Variants in COL6A2 observed in about 807,000 individuals in gnomAD.
The protein encoded by COL6A2 is collagen type VI alpha 2 chain.
COL6A2 carries 90 observed loss-of-function variants against 124.9 expected under a neutral mutation model. That is an observed-to-expected ratio of 0.72 (90% CI 0.61 to 0.86). The LOEUF (loss-of-function observed/expected upper bound fraction) is 0.86, where lower values mean the gene tolerates loss of function less well. Ranked by LOEUF, COL6A2 falls within the 40% of genes least tolerant of loss-of-function variation. The pLI is 0.00. For missense variants in COL6A2, 1,607 were observed against 1,502.5 expected (o/e 1.07, Z -1.15); for synonymous variants, 793 against 618.2 (o/e 1.28, Z -4.19).
At chr21:46,128,707 A>G (rs2078712764) in intron 27 of COL6A2, among the ~76,000 whole-genome samples, 1 of 152,234 alleles carries the variant, frequency 6.6e-6, no homozygotes, top group Non-Finnish European at 1.5e-5. Flanking sequence ...AAGAAAAGGC[A>G]GAGACGTTGC....
intron 27 of COL6A2, chr21:46,129,693 T>TTTAATGATACGG: frequency 7.1e-7 from 1 of 1,415,476 alleles, no homozygotes. Flanking sequence ...GGCTGCATCT[T>TTTAATGATACGG]CCAGTCTCTC....
chr21:46,128,085 C>A (rs1385589283), intron 27 of COL6A2, among the ~76,000 whole-genome samples: 1 of 152,182 alleles, frequency 6.6e-6, no homozygotes, highest in Non-Finnish European at 1.5e-5. Flanking sequence ...TGACGTGGGC[C>A]TCGTAGGGTC....
chr21:46,132,747 G>A lies in COL6A2; in HGVS notation c.*195G>A, dbSNP rs1474522321. The A allele has an allele frequency of 3.3e-6, 2 of 614,876 alleles. No homozygotes were observed. The highest frequency in any genetic ancestry group is 5.6e-5 in the East Asian group (2 of 35,808). 38.1% of individuals were successfully genotyped at this position (614,876 alleles called of 1,614,324 possible). A position where few individuals can be genotyped will look rare whatever the true frequency, so the allele number is the denominator to read the frequency against. On this transcript the variant is annotated 3_prime_UTR_variant, in exon 28 of 28. Transcript: ENST00000300527. ...CCCAGGTCTCCCCAGGCCCTCCGCA[G>A]GCTGCCCGGCCTCCCTCCCCCTGCA... is the stretch of plus-strand genomic sequence containing the variant.
intron 1 of COL6A2, among the ~76,000 whole-genome samples, chr21:46,099,506 C>T (rs2078264217): frequency 6.7e-6 from 1 of 148,518 alleles, no homozygotes; most frequent in African/African-American, 2.5e-5. Flanking sequence ...CGGTGAGATG[C>T]TTTCTCTTAA....
chr21:46,116,793 G>A lies in COL6A2; in HGVS notation c.978G>A (p.Lys326=), dbSNP rs1480541163. The change falls in exon 10 of 28, where the codon AAG becomes AAA. Residue 326 remains lysine (K), a synonymous_variant. Coordinates refer to ENST00000300527, the MANE Select transcript of COL6A2 (RefSeq NM_001849.4). The surrounding 1 kb of genome is among the most constrained non-coding windows in gnomAD (Gnocchi z 4.6). ...GRKGAPGLAG[K]NGTDGQKGKL... is the part of the protein sequence containing the mutation. ...AGGGGGCCCCTGGCCTGGCTGGCAAGAACGGGACCGATGGACAGAAGGTAG... is the reference window on the plus strand; with the variant it reads ...AGGGGGCCCCTGGCCTGGCTGGCAAAAACGGGACCGATGGACAGAAGGTAG... 4.3e-6 allele frequency: 7 copies of A among 1,612,868 alleles called. No individual in the cohort carries two copies. The highest frequency in any genetic ancestry group is 5.9e-6 in the Non-Finnish European group (7 of 1,180,022).
At chr21:46,124,858 G>A (rs1187637575) in intron 22 of COL6A2, 27 bp from the exon 23 acceptor site, 3 of 1,612,866 alleles carry the variant, frequency 1.9e-6, no homozygotes, top group South Asian at 2.2e-5. Context: ...TGGCCCCAGA[G>A]TCTCAGCCTC....
chr21:46,117,043 G>A (rs1297492585), intron 10 of COL6A2, among the ~76,000 whole-genome samples: 1 of 152,174 alleles, frequency 6.6e-6, no homozygotes, highest in Non-Finnish European at 1.5e-5. Context: ...CCGGCTTGGG[G>A]CAGCTCCACA....
In COL6A2 at chr21:46,132,581, G is replaced by T. The variant is rs921143676; in HGVS notation, c.*29G>T. ...CGCCGCCCGGGCCCCGCAGTCGAGG[G>T]TCGTGAGCCCACCCCGTCCATGGTG... On this transcript the variant is annotated 3_prime_UTR_variant, in exon 28 of 28. Coordinates refer to ENST00000300527, the MANE Select transcript of COL6A2 (RefSeq NM_001849.4). 1 of 1,562,166 alleles carries T rather than the reference G, an allele frequency of 6.4e-7. No individual in the cohort carries two copies. Among genetic ancestry groups the T allele is most frequent in the Non-Finnish European group, 8.6e-7 (1 of 1,158,658 alleles).
intron 1 of COL6A2, 38 bp from the exon 2 acceptor site, chr21:46,111,412 C>T (rs2078396246): frequency 1.6e-6 from 2 of 1,227,770 alleles, no homozygotes; most frequent in Non-Finnish European, 2.4e-6. Flanking sequence ...AGGGGAGAGG[C>T]ACTGGGGGTG....
chr21:46,132,801 C>T lies in COL6A2; in HGVS notation c.*249C>T, dbSNP rs2123457018. 1.0e-5 allele frequency: 6 copies of T among 576,748 alleles called. No homozygotes were observed. Among genetic ancestry groups the T allele is most frequent in the East Asian group, 8.7e-5 (3 of 34,454 alleles). 35.7% of individuals were successfully genotyped at this position (576,748 alleles called of 1,614,324 possible). ...ATCCCAAGGCTCCTGACCTACCTGG[C>T]CCCTGAGCTCTGGAGCAAGCCCTGA... On this transcript the variant is annotated 3_prime_UTR_variant, in exon 28 of 28. Coordinates refer to ENST00000300527, the MANE Select transcript of COL6A2 (RefSeq NM_001849.4).
intron 27 of COL6A2, chr21:46,129,621 C>G: frequency 7.0e-7 from 1 of 1,430,978 alleles, no homozygotes; most frequent in South Asian, 1.5e-5. Context: ...ACAGTCCTTC[C>G]AGGGGCTCTG....
chr21:46,132,478 G>A lies in COL6A2; in HGVS notation c.2986G>A (p.Val996Met), dbSNP rs142432514. Residue 996 changes from valine to methionine, a missense_variant, in exon 28 of 28, where the codon GTG becomes ATG. Transcript: ENST00000300527. Reference sequence around the variant, plus strand: ...GCTCAGCCTGGGTGACCGCGCCGCCGTGTTCCACGAGAAGGACTATGACAG... The same window carrying A: ...GCTCAGCCTGGGTGACCGCGCCGCCATGTTCCACGAGAAGGACTATGACAG... ...TTLSLGDRAA[V>M]FHEKDYDSLA... 184 of 1,606,724 alleles carry A rather than the reference G, an allele frequency of 1.1e-4. No homozygotes were observed. Among genetic ancestry groups the A allele is most frequent in the African/African-American group, 2.0e-4 (15 of 74,898 alleles).
Position 46,116,744 on chromosome 21 carries a change from G to C in COL6A2, c.955-26G>C, listed in dbSNP as rs2078476850. 1 of 1,613,122 alleles carries C rather than the reference G, an allele frequency of 6.2e-7. No individual in the cohort carries two copies. The highest frequency in any genetic ancestry group is 8.5e-7 in the Non-Finnish European group (1 of 1,180,018). ...CAGGGCAGAAGGACCGGGGCTAATG[G>C]AGTTCCCTCTTCCTTCTCTCTTCAG... On this transcript the variant is annotated intron_variant, in intron 9 of 27. Transcript: ENST00000300527. The surrounding 1 kb of genome is among the most constrained non-coding windows in gnomAD (Gnocchi z 4.6).
intron 24 of COL6A2, 39 bp downstream of exon 24, chr21:46,125,350 CG>C: frequency 1.2e-6 from 2 of 1,605,546 alleles, no homozygotes; most frequent in Non-Finnish European, 1.7e-6. Context: ...GCCCATGCAC[CG>C]GGTGGAGGGC....
Position 46,132,366 on chromosome 21 carries a change from C to G in COL6A2, c.2874C>G (p.His958Gln), listed in dbSNP as rs765550338. The G allele has an allele frequency of 1.4e-5, 23 of 1,608,928 alleles. 1 individual carries two copies. In the South Asian group the frequency reaches 2.3e-4, roughly 16 times the overall value. ...TDGVTGNDSL[H>Q]ESAHSMRKQN... is the part of the protein sequence containing the mutation. Reference sequence around the variant, plus strand: ...GCGTCACGGGCAACGACAGTCTGCACGAGTCGGCGCACTCCATGCGCAAGC... The same window carrying G: ...GCGTCACGGGCAACGACAGTCTGCAGGAGTCGGCGCACTCCATGCGCAAGC... Residue 958 changes from histidine (H) to glutamine (Q), a missense_variant, in exon 28 of 28, where the codon CAC (histidine) becomes CAG (glutamine). This residue lies in a region of COL6A2 where 1,223 missense variants were observed against 1,052.2 expected (regional missense o/e 1.16). Coordinates refer to ENST00000300527, the MANE Select transcript of COL6A2 (RefSeq NM_001849.4).
intron 26 of COL6A2, 32 bp from the exon 27 acceptor site, chr21:46,126,471 T>TGGCCAGGCCCGGCCC: frequency 6.2e-7 from 1 of 1,600,070 alleles, no homozygotes; most frequent in Non-Finnish European, 8.5e-7. Flanking sequence ...GGACTGACCC[T>TGGCCAGGCCCGGCCC]GGCCTGGCCC....
At chr21:46,131,468 G>A (rs549868073) in intron 27 of COL6A2, among the ~76,000 whole-genome samples, 83 of 152,322 alleles carry the variant, frequency 5.4e-4, no homozygotes, top group Non-Finnish European at 2.2e-4. Flanking sequence ...TGGTCTTTCC[G>A]GGAGGGACGT....
intron 1 of COL6A2, among the ~76,000 whole-genome samples, chr21:46,099,696 C>G (rs2078266828): frequency 6.6e-6 from 1 of 152,106 alleles, no homozygotes; most frequent in Non-Finnish European, 1.5e-5. Flanking sequence ...CGCCCAGGAT[C>G]CAAACACCCA....
rs2123663704 is a variant in COL6A2 at position 46,125,930 on chromosome 21, A to G, written c.2115A>G (p.Ser705=). 1 of 1,613,166 alleles carries G rather than the reference A, an allele frequency of 6.2e-7. No homozygotes were observed. Among genetic ancestry groups the G allele is most frequent in the South Asian group, 1.1e-5 (1 of 91,066 alleles). Residue 705 remains serine, a synonymous_variant, in exon 26 of 28, where the codon TCA becomes TCG. Transcript: ENST00000300527. ...TTGCGGGCGGCACCTGGACACCCTC[A>G]GCCCTCAAGTTTGCCTACGACCGCC... The part of the protein sequence containing the change: ...EWIAGGTWTP[S]ALKFAYDRLI...
Sources: gnomAD v4.1 joint callset for allele counts (sites outside exome capture counted in the v4.1 genomes callset) on GRCh38, gnomAD v4.1.1 for gene constraint, gnomAD v4.1.1 regional missense constraint, Gnocchi (gnomAD v3.1) non-coding constraint, MANE v1.5 for transcripts, NCBI Gene and HGNC (gene_info 2026-07-23, HGNC 2026-07-21) for gene names.